The following PAK2 variants were observed in gnomAD, a reference collection of about 807,000 sequenced individuals.
PAK2 encodes serine/threonine-protein kinase PAK 2.
In PAK2, 21 loss-of-function variants were observed where a neutral mutation model predicts 65.9. That is an observed-to-expected ratio of 0.32 (90% CI 0.23 to 0.46). The LOEUF is 0.46. PAK2 is among the 20% of genes least tolerant of loss of function. The pLI, the probability that PAK2 is intolerant of heterozygous loss-of-function variation, is 1.00. For missense variants in PAK2, 324 were observed against 642.6 expected, an observed-to-expected ratio of 0.50 and a Z score of 5.36; for synonymous variants, 204 against 219.7, an observed-to-expected ratio of 0.93 and a Z score of 0.63.
intron 13 of PAK2, among the ~76,000 whole-genome samples, chr3:196,824,576 G>A (rs1365255075): frequency 6.6e-6 from 1 of 152,164 alleles, no homozygotes; most frequent in Admixed American, 6.6e-5. Context: ...GTTTGGCAGG[G>A]GATCGGGGGT....
Position 196,806,626 on chromosome 3 carries a change from G to T in PAK2, c.516G>T (p.Glu172Asp), listed in dbSNP as rs751334748. The T allele has an allele frequency of 2.5e-6, 4 of 1,613,390 alleles. No homozygotes were observed. Among genetic ancestry groups the T allele is most frequent in the African/African-American group, 1.3e-5 (1 of 74,904 alleles). Residue 172 changes from glutamate (E) to aspartate (D), a missense_variant, in exon 6 of 15, where the codon GAG (glutamate) becomes GAT (aspartate). By Grantham distance (45) the Glu-to-Asp change is conservative. Around this residue, in one of 5 missense-constraint regions of PAK2, gnomAD observed 183 missense variants for 246.2 expected, o/e 0.74. Transcript: ENST00000327134. Reference sequence around the variant, plus strand: ...CACCCGCAGTAGTGACAGAGGAGGAGGATGATGATGAAGAGACTGCTCCTC... The same window carrying T: ...CACCCGCAGTAGTGACAGAGGAGGATGATGATGATGAAGAGACTGCTCCTC... ...TEAPAVVTEEEDDDEETAPPV... is the reference protein window; with the variant it reads ...TEAPAVVTEEDDDDEETAPPV...
chr3:196,813,679 C>T (rs188403947), intron 10 of PAK2, among the ~76,000 whole-genome samples: 3 of 152,176 alleles, frequency 2.0e-5, no homozygotes. Flanking sequence ...AGGCTAGGCA[C>T]GGTAGCTCAC....
In PAK2 at chr3:196,818,168, A is replaced by G. The variant is rs769268360; in HGVS notation, c.1153+12A>G. On this transcript the variant is annotated intron_variant, in intron 12 of 14. Coordinates refer to ENST00000327134, the MANE Select transcript of PAK2 (RefSeq NM_002577.4). ...ATCTGTTAAGCTCAGTGAGTAACAA[A>G]TGGACAATTCACAATCATTTATTAT... is the stretch of plus-strand genomic sequence containing the variant. 44 of 958,656 alleles carry G rather than the reference A, an allele frequency of 4.6e-5. No homozygotes were observed. The highest frequency in any genetic ancestry group is 2.1e-4 in the Middle Eastern group (1 of 4,740). 59.4% of individuals were successfully genotyped at this position (958,656 alleles called of 1,614,324 possible). A position where few individuals can be genotyped will look rare whatever the true frequency, so the allele number is the denominator to read the frequency against.
chr3:196,754,139 TATCTC>T (rs1713696632), intron 1 of PAK2, among the ~76,000 whole-genome samples: 1 of 152,118 alleles, frequency 6.6e-6, no homozygotes, highest in Non-Finnish European at 1.5e-5. Flanking sequence ...TAAATTATCT[TATCTC>T]ATCCTGGTTT....
chr3:196,806,405 C>T (rs968317107), intron 5 of PAK2, among the ~76,000 whole-genome samples, 174 bp from the exon 6 acceptor site: 8 of 152,162 alleles, frequency 5.3e-5, no homozygotes, highest in Admixed American at 2.6e-4. Context: ...TTCATAGAAT[C>T]GCCTTATTAT....
At chr3:196,810,996 G>C (rs943319224) in intron 8 of PAK2, among the ~76,000 whole-genome samples, 10 of 151,904 alleles carry the variant, frequency 6.6e-5, no homozygotes, top group Non-Finnish European at 1.3e-4. Context: ...TCATGTCATT[G>C]TGTATTGACT....
intron 7 of PAK2, among the ~76,000 whole-genome samples, chr3:196,808,799 T>A (rs550146882): frequency 6.6e-6 from 1 of 152,038 alleles, no homozygotes; most frequent in African/African-American, 2.4e-5. Flanking sequence ...AGGCGGAGAT[T>A]GCAGTGAGCC....
chr3:196,821,783 C>T (rs1711662918), intron 13 of PAK2, among the ~76,000 whole-genome samples: 2 of 152,212 alleles, frequency 1.3e-5, no homozygotes. Context: ...AACAACTTGA[C>T]AATTCTGTGT....
intron 1 of PAK2, among the ~76,000 whole-genome samples, chr3:196,769,534 A>G (rs9826274): frequency 0.41 from 62,202 of 151,654 alleles, 13,015 homozygotes; most frequent in Non-Finnish European, 0.44. Flanking sequence ...CATCCCGGCC[A>G]GGCGTGGTGG....
intron 1 of PAK2, among the ~76,000 whole-genome samples, chr3:196,763,964 A>ATTTTTT (rs11314152): frequency 7.1e-6 from 1 of 140,626 alleles, no homozygotes. Context: ...ACGCCCGGCT[A>ATTTTTT]TTTTTTTTTT....
rs554187812 is a variant in PAK2 at position 196,745,708 on chromosome 3, G to A, written c.-22+5551G>A. 9.3e-4 allele frequency among the ~76,000 whole-genome samples: 142 copies of A among 152,026 alleles called. 1 individual carries two copies. Among genetic ancestry groups the A allele is most frequent in the African/African-American group, 3.2e-3 (134 of 41,482 alleles). ...GCACACCTGTAGTTCCAGCTACTCCGGAGGCTGAGGCAGGAGAATTGTCTG... is the reference window on the plus strand; with the variant it reads ...GCACACCTGTAGTTCCAGCTACTCCAGAGGCTGAGGCAGGAGAATTGTCTG... On this transcript the variant is annotated intron_variant, in intron 1 of 14. Coordinates refer to ENST00000327134, the MANE Select transcript of PAK2 (RefSeq NM_002577.4).
chr3:196,810,225 C>T (rs1204110402), intron 7 of PAK2, among the ~76,000 whole-genome samples: 1 of 151,560 alleles, frequency 6.6e-6, no homozygotes, highest in African/African-American at 2.4e-5. Flanking sequence ...TTGAGATTAC[C>T]TGATTCTAAA....
chr3:196,789,765 G>A (rs1031374674), intron 2 of PAK2, among the ~76,000 whole-genome samples: 9 of 152,102 alleles, frequency 5.9e-5, no homozygotes, highest in East Asian at 5.8e-4. Flanking sequence ...GTGCCTGGCC[G>A]GAAAACAATT....
At chr3:196,795,419 A>T (rs898998574) in intron 2 of PAK2, among the ~76,000 whole-genome samples, 1 of 152,148 alleles carries the variant, frequency 6.6e-6, no homozygotes, top group African/African-American at 2.4e-5. Flanking sequence ...GTGAGCTGAG[A>T]TCGCACCACT....
intron 1 of PAK2, among the ~76,000 whole-genome samples, chr3:196,755,390 A>C (rs965550020): frequency 6.6e-6 from 1 of 150,404 alleles, no homozygotes; most frequent in Non-Finnish European, 1.5e-5. Flanking sequence ...TTGAATTGCT[A>C]TTTGGGGTTC....
At chr3:196,765,740 A>C (rs1330121554) in intron 1 of PAK2, among the ~76,000 whole-genome samples, 1 of 152,162 alleles carries the variant, frequency 6.6e-6, no homozygotes, top group African/African-American at 2.4e-5. Flanking sequence ...TAAAAGGAAG[A>C]GTGATTTGGC....
intron 1 of PAK2, among the ~76,000 whole-genome samples, chr3:196,751,108 A>G (rs1232407928): frequency 6.6e-6 from 1 of 152,050 alleles, no homozygotes; most frequent in Non-Finnish European, 1.5e-5. Flanking sequence ...CCTCTTCTGG[A>G]TATTTCTTAT....
intron 8 of PAK2, among the ~76,000 whole-genome samples, chr3:196,811,837 T>C (rs112364652): frequency 0.015 from 2,216 of 152,154 alleles, 61 homozygotes; most frequent in African/African-American, 0.051. Flanking sequence ...AAATACAGGA[T>C]AAACACCAAA....
chr3:196,818,756 A>AT lies in PAK2; in HGVS notation c.1153+610dup, dbSNP rs74438830. Among the ~76,000 whole-genome samples the AT allele has an allele frequency of 4.7e-5, 7 of 150,080 alleles. No individual in the cohort carries two copies. The South Asian group carries it at 6.3e-4, about 14-fold the overall frequency. Reference sequence around the variant, plus strand: ...AAAATGAATTAAACTTTTGGATGACATTTTTTTTTTCTGGCTCTGCCATTT... The same window carrying AT: ...AAAATGAATTAAACTTTTGGATGACATTTTTTTTTTTCTGGCTCTGCCATTT... On this transcript the variant is annotated intron_variant, in intron 12 of 14. Transcript: ENST00000327134.
Sources: gnomAD v4.1 joint callset for allele counts (sites outside exome capture counted in the v4.1 genomes callset) on GRCh38, gnomAD v4.1.1 for gene constraint, gnomAD v4.1.1 regional missense constraint, MANE v1.5 for transcripts, NCBI Gene and HGNC (gene_info 2026-07-23, HGNC 2026-07-21) for gene names.